CEACAM21: variants seen among roughly 807,000 people sequenced by gnomAD.
CEACAM21 encodes the protein CEA cell adhesion molecule 21.
Under a neutral mutation model 33.2 loss-of-function variants are expected in CEACAM21, and 38 were observed. The ratio of observed to expected loss-of-function variants is 1.14; its 90% CI spans 0.88 to 1.50. The LOEUF is 1.50. Ranked by LOEUF, CEACAM21 falls within the 40% of genes most tolerant of loss-of-function variation. CEACAM21 has a pLI of 0.00. For synonymous variants in CEACAM21, 156 were observed against 143.0 expected (o/e 1.09, Z -0.65); for missense variants, 385 against 364.6 (o/e 1.06, Z -0.46).
In CEACAM21 at chr19:41,577,265, G is replaced by T. The variant is rs1555791476; in HGVS notation, c.130G>T (p.Glu44Ter). 2 of 1,614,088 alleles carry T rather than the reference G, an allele frequency of 1.2e-6. No homozygotes were observed. The highest frequency in any genetic ancestry group is 1.7e-6 in the Non-Finnish European group (2 of 1,179,980). ...GCTCTTTATTGCATCAGCGCCCTTT[G>T]AAGTTGCTGAAGGGGAGAATGTTCA... ...AWLFIASAPF[E>*]VAEGENVHLS... is the part of the protein sequence containing the mutation. The change falls in exon 2 of 7, where the codon GAA (glutamate) becomes TAA (stop). Residue 44 changes from glutamate (E) to a stop codon, truncating the protein, a stop_gained. Coordinates refer to ENST00000401445, the MANE Select transcript of CEACAM21 (RefSeq NM_001098506.4). LOFTEE classifies it high-confidence loss of function.
chr19:41,569,185 A>G (rs1273600912), intron 2 of CEACAM21, among the ~76,000 whole-genome samples: 4 of 152,120 alleles, frequency 2.6e-5, no homozygotes, highest in Admixed American at 2.6e-4. Context: ...AGAGTTAACA[A>G]TAATGTATTC....
chr19:41,576,053 A>G (rs2042917118), upstream of CEACAM21: 5 of 588,990 alleles, frequency 8.5e-6, 1 homozygote, highest in South Asian at 1.0e-4. Context: ...AGGAAGGAGA[A>G]AGGAGGGACA....
At chr19:41,555,412 C>G (rs1313723564) in intron 1 of CEACAM21, 1 of 151,168 alleles carries the variant, frequency 6.6e-6, no homozygotes, top group Non-Finnish European at 1.5e-5. Context: ...TATTTGGAGG[C>G]CAATCTAGTT....
chr19:41,575,281 G>C (rs1260233336), upstream of CEACAM21, among the ~76,000 whole-genome samples: 1 of 152,122 alleles, frequency 6.6e-6, no homozygotes. Flanking sequence ...GTACAACATT[G>C]TGAATAGAAT....
At chr19:41,576,406 G>A in intron 1 of CEACAM21, 68 bp downstream of exon 1, 2 of 1,511,212 alleles carry the variant, frequency 1.3e-6, no homozygotes, top group Admixed American at 2.1e-5. Context: ...GTCTCCTGGG[G>A]AGGATGGGGC....
rs1318425766 is a variant in CEACAM21 at position 41,586,409 on chromosome 19, C to A, written c.*1-55C>A. ...CCTGGGTGGGCCCAGAGAGAGATGC[C>A]AGACCCTGTTCTGAGAAGGCCTCAG... On this transcript the variant is annotated intron_variant, in intron 6 of 6. Transcript: ENST00000401445. 1.3e-5 allele frequency: 8 copies of A among 619,816 alleles called. No homozygotes were observed. The East Asian group carries it at 3.3e-4, about 25-fold the overall frequency. 38.4% of individuals were successfully genotyped at this position (619,816 alleles called of 1,614,324 possible).
chr19:41,585,975 T>A, intron 6 of CEACAM21, 104 bp downstream of exon 6: 2 of 1,234,894 alleles, frequency 1.6e-6, no homozygotes, highest in Non-Finnish European at 2.3e-6. Flanking sequence ...CTACCCAGAA[T>A]GACTTGGATA....
At chr19:41,562,712 G>A (rs2041966028) in intron 1 of CEACAM21, among the ~76,000 whole-genome samples, 1 of 150,658 alleles carries the variant, frequency 6.6e-6, no homozygotes, top group Non-Finnish European at 1.5e-5. Context: ...GCAAGTATTT[G>A]AAAATTCAGT....
At chr19:41,570,931 A>G (rs1227363869) in intron 2 of CEACAM21, among the ~76,000 whole-genome samples, 2 of 151,902 alleles carry the variant, frequency 1.3e-5, no homozygotes, top group Non-Finnish European at 2.9e-5. Flanking sequence ...GAAGTGGGGA[A>G]GTGGTGGGGA....
At chr19:41,564,136 A>G (rs1203092415) in intron 1 of CEACAM21, among the ~76,000 whole-genome samples, 1 of 152,072 alleles carries the variant, frequency 6.6e-6, no homozygotes, top group Non-Finnish European at 1.5e-5. Flanking sequence ...TCTGCCTTAC[A>G]ATGAAAAAAA....
chr19:41,560,574 CA>C (rs1193330599), intron 1 of CEACAM21, among the ~76,000 whole-genome samples: 1 of 152,112 alleles, frequency 6.6e-6, no homozygotes, highest in African/African-American at 2.4e-5. Flanking sequence ...TGAGCATATA[CA>C]AAAAATCCTA....
At chr19:41,578,971 A>C (rs1454807333) in intron 2 of CEACAM21, among the ~76,000 whole-genome samples, 1 of 152,158 alleles carries the variant, frequency 6.6e-6, no homozygotes, top group Non-Finnish European at 1.5e-5. Context: ...TGGGTCCTGG[A>C]TGTAGGATCC....
chr19:41,571,174 C>G (rs142648988), upstream of CEACAM21, among the ~76,000 whole-genome samples: 40 of 152,166 alleles, frequency 2.6e-4, 1 homozygote, highest in African/African-American at 8.9e-4. Flanking sequence ...AAAATTTCCC[C>G]TGGCAGAGTC....
At chr19:41,582,426 A>C (rs554787221) in intron 3 of CEACAM21, among the ~76,000 whole-genome samples, 1 of 152,342 alleles carries the variant, frequency 6.6e-6, no homozygotes, top group East Asian at 1.9e-4. Context: ...TCCATTAGGC[A>C]GTGCCCCAGT....
At chr19:41,553,962 T>C (rs2041384306) in intron 1 of CEACAM21, among the ~76,000 whole-genome samples, 1 of 151,972 alleles carries the variant, frequency 6.6e-6, no homozygotes, top group Non-Finnish European at 1.5e-5. Flanking sequence ...GGAAATCGGG[T>C]AGAGAGAAAC....
chr19:41,586,708 G>GC lies in CEACAM21; in HGVS notation c.*249dup, dbSNP rs566570300. On this transcript the variant is annotated 3_prime_UTR_variant, in exon 7 of 7. Transcript: ENST00000401445. Reference sequence around the variant, plus strand: ...GAATATATAGAGACCTCAACAGACTGCCCCGGGCTCTGGGTGGGCCAAGGC... The same window carrying GC: ...GAATATATAGAGACCTCAACAGACTGCCCCCGGGCTCTGGGTGGGCCAAGGC... 1.8e-3 allele frequency: 681 copies of GC among 384,436 alleles called. 8 individuals carry two copies. Among genetic ancestry groups the GC allele is most frequent in the African/African-American group, 0.014 (642 of 47,358 alleles). The allele number at this position is 384,436 out of a possible 1,614,324, so 23.8% of individuals were successfully genotyped here.
At chr19:41,549,640 T>C (rs2041107001) in intron 1 of CEACAM21, 1 of 152,224 alleles carries the variant, frequency 6.6e-6, no homozygotes, top group African/African-American at 2.4e-5. Context: ...ATTTGGTTTT[T>C]CATTTTGTTG....
In CEACAM21 at chr19:41,549,952, G is replaced by A. The variant is rs147999904; in HGVS notation, c.-779+400G>A. Among the ~76,000 whole-genome samples, 476 of 151,984 alleles carry A rather than the reference G, an allele frequency of 3.1e-3. 2 individuals are homozygous for A. Among genetic ancestry groups the A allele is most frequent in the African/African-American group, 0.011 (445 of 41,438 alleles). On this transcript the variant is annotated intron_variant, in intron 1 of 7. Transcript: ENST00000407170. ...TATTTCCTTTATACAGTCCATTGTCGTTGAATTCTTATTTGAATTTGTGAT... is the reference window on the plus strand; with the variant it reads ...TATTTCCTTTATACAGTCCATTGTCATTGAATTCTTATTTGAATTTGTGAT...
At chr19:41,583,710 G>C (rs1270360601) in intron 3 of CEACAM21, among the ~76,000 whole-genome samples, 1 of 152,106 alleles carries the variant, frequency 6.6e-6, no homozygotes, top group Non-Finnish European at 1.5e-5. Flanking sequence ...CACAAGAACA[G>C]GATGGAAAAA....
Sources: gnomAD v4.1 joint callset for allele counts (sites outside exome capture counted in the v4.1 genomes callset) on GRCh38, gnomAD v4.1.1 for gene constraint, MANE v1.5 for transcripts, NCBI Gene and HGNC (gene_info 2026-07-23, HGNC 2026-07-21) for gene names.